The following EAF2 variants were observed in gnomAD, a reference collection of about 807,000 sequenced individuals.
EAF2 encodes the protein ELL associated factor 2.
A neutral mutation model predicts 29.4 loss-of-function variants in EAF2; 29 were observed. The observed-to-expected ratio is 0.99, with a 90% CI of 0.73 to 1.35. EAF2 has a LOEUF of 1.35. Ranked by LOEUF, EAF2 falls within the 40% of genes most tolerant of loss-of-function variation. The probability of loss-of-function intolerance (pLI) is 0.00; values close to 1 mark genes in which losing one functional copy is unlikely to be tolerated. For synonymous variants in EAF2, 103 were observed against 102.5 expected, an observed-to-expected ratio of 1.00 and a Z score of -0.03; for missense variants, 292 against 312.0, an observed-to-expected ratio of 0.94 and a Z score of 0.48.
intron 2 of EAF2, among the ~76,000 whole-genome samples, chr3:121,850,746 GAGTGC>G (rs1708618510): frequency 6.6e-6 from 1 of 151,962 alleles, no homozygotes; most frequent in African/African-American, 2.4e-5. Context: ...ACCCAGGCTG[GAGTGC>G]AGTGGCGCAA....
At chr3:121,885,566 A>G (rs1255667867) in intron 5 of EAF2, among the ~76,000 whole-genome samples, 3 of 152,162 alleles carry the variant, frequency 2.0e-5, no homozygotes, top group African/African-American at 7.2e-5. Context: ...TATTCATTCC[A>G]TTCCACCCAC....
intron 4 of EAF2, among the ~76,000 whole-genome samples, chr3:121,861,966 A>G (rs1346001690): frequency 6.6e-6 from 1 of 152,090 alleles, no homozygotes; most frequent in Non-Finnish European, 1.5e-5. Flanking sequence ...CTGTGTTGCA[A>G]ATTATTTTCT....
chr3:121,853,497 A>G (rs934683115), intron 2 of EAF2, among the ~76,000 whole-genome samples: 8 of 151,976 alleles, frequency 5.3e-5, no homozygotes. Flanking sequence ...GGGTGTGATT[A>G]TGTCACACTG....
chr3:121,861,956 C>T (rs746265245), intron 4 of EAF2, among the ~76,000 whole-genome samples: 2 of 152,152 alleles, frequency 1.3e-5, no homozygotes, highest in African/African-American at 2.4e-5. Context: ...ATATGAAATT[C>T]TGTGTTGCAA....
At chr3:121,885,374 C>T (rs1023693080) in intron 5 of EAF2, among the ~76,000 whole-genome samples, 2 of 152,248 alleles carry the variant, frequency 1.3e-5, no homozygotes, top group African/African-American at 4.8e-5. Context: ...TACAACTTCT[C>T]TCTTGTTTCT....
intron 1 of EAF2, among the ~76,000 whole-genome samples, chr3:121,844,020 C>T (rs1053950661): frequency 1.1e-4 from 16 of 151,648 alleles, no homozygotes; most frequent in Admixed American, 8.5e-4. Context: ...ATTTATGGGC[C>T]AACATTCATG....
intron 3 of EAF2, among the ~76,000 whole-genome samples, chr3:121,855,116 T>C (rs1708697120): frequency 1.3e-5 from 2 of 152,208 alleles, no homozygotes; most frequent in Non-Finnish European, 2.9e-5. Context: ...GAAGCCATTA[T>C]ACATTCTCTA....
chr3:121,869,596 G>C (rs554073812), intron 4 of EAF2, among the ~76,000 whole-genome samples: 2 of 152,236 alleles, frequency 1.3e-5, no homozygotes, highest in African/African-American at 4.8e-5. Context: ...GAAATGGTAG[G>C]CTGGGTGTGG....
At chr3:121,856,945 T>C in intron 3 of EAF2, 66 bp from the exon 4 acceptor site, 2 of 1,433,672 alleles carry the variant, frequency 1.4e-6, no homozygotes, top group Non-Finnish European at 1.9e-6. Flanking sequence ...TTTAGTAACT[T>C]TGTAAGTTAA....
chr3:121,837,296 A>T (rs1708321868), intron 1 of EAF2: 1 of 152,192 alleles, frequency 6.6e-6, no homozygotes. Flanking sequence ...TTAAGAACTC[A>T]GAGTGAGGTT....
chr3:121,840,009 A>G (rs960457770), intron 1 of EAF2, among the ~76,000 whole-genome samples: 5 of 150,644 alleles, frequency 3.3e-5, no homozygotes, highest in African/African-American at 1.2e-4. Context: ...CCTGTTCAAG[A>G]TGGTGAAACC....
chr3:121,864,517 T>C (rs946356556), intron 4 of EAF2, among the ~76,000 whole-genome samples: 5 of 152,144 alleles, frequency 3.3e-5, no homozygotes, highest in Non-Finnish European at 7.3e-5. Context: ...AATTTGCTAA[T>C]CATTAACACA....
chr3:121,876,726 C>T (rs1031314919), intron 5 of EAF2, among the ~76,000 whole-genome samples: 1 of 151,570 alleles, frequency 6.6e-6, no homozygotes, highest in Non-Finnish European at 1.5e-5. Context: ...TTAAGGGTAC[C>T]ATTTAATTAA....
chr3:121,840,644 A>T (rs1056523139), intron 1 of EAF2, among the ~76,000 whole-genome samples: 3 of 151,352 alleles, frequency 2.0e-5, no homozygotes, highest in African/African-American at 7.3e-5. Flanking sequence ...TCTCTACTAA[A>T]AGTACAAAAA....
chr3:121,882,605 A>G (rs1197219676), intron 5 of EAF2, among the ~76,000 whole-genome samples: 7 of 152,092 alleles, frequency 4.6e-5, no homozygotes, highest in Admixed American at 1.3e-4. Context: ...AGAATTGGAA[A>G]CAAGAAATAA....
chr3:121,871,044 A>G (rs1250029179), intron 4 of EAF2, among the ~76,000 whole-genome samples: 1 of 152,036 alleles, frequency 6.6e-6, no homozygotes, highest in South Asian at 2.1e-4. Flanking sequence ...CCTAAGAGAA[A>G]TGTGTATATA....
chr3:121,856,136 A>G (rs923909213), intron 3 of EAF2, among the ~76,000 whole-genome samples: 19 of 152,232 alleles, frequency 1.2e-4, no homozygotes, highest in African/African-American at 4.3e-4. Context: ...AAAGAAAAGT[A>G]TATGAATCTC....
chr3:121,851,442 G>T (rs1306451500), intron 2 of EAF2, among the ~76,000 whole-genome samples: 9 of 152,076 alleles, frequency 5.9e-5, no homozygotes, highest in Non-Finnish European at 1.3e-4. Flanking sequence ...CTAAAATGGT[G>T]GGATTACATG....
Position 121,872,727 on chromosome 3 carries a change from T to C in EAF2, c.675T>C (p.Pro225=). ...CTACCATGACACAGTACAGGATTCC[T>C]GATATAGATGCCAGTCATAATAGAT... The part of the protein sequence containing the change: ...GHPTMTQYRI[P]DIDASHNRFR... Residue 225 remains proline, a synonymous_variant, in exon 5 of 6, where the codon CCT becomes CCC. Transcript: ENST00000273668. 6.2e-7 allele frequency: 1 copy of C among 1,612,616 alleles called. No homozygotes were observed. Among genetic ancestry groups the C allele is most frequent in the Non-Finnish European group, 8.5e-7 (1 of 1,179,066 alleles).
Sources: allele counts gnomAD v4.1 joint callset (sites outside exome capture counted in the v4.1 genomes callset), GRCh38; gene constraint gnomAD v4.1.1; transcripts MANE v1.5; gene names NCBI Gene and HGNC (gene_info 2026-07-23, HGNC 2026-07-21).